Variants in CADM1 observed in about 807,000 individuals in gnomAD.
The protein encoded by CADM1 is cell adhesion molecule 1.
In CADM1, 15 loss-of-function variants were observed where a neutral mutation model predicts 53.1. The ratio of observed to expected loss-of-function variants is 0.28; its 90% CI spans 0.19 to 0.44. The LOEUF (loss-of-function observed/expected upper bound fraction) is 0.44, where lower values mean the gene tolerates loss of function less well. CADM1 is among the 20% of genes least tolerant of loss of function. The pLI is 1.00. For synonymous variants in CADM1, 281 were observed against 243.0 expected (o/e 1.16, Z -1.45); for missense variants, 434 against 611.3 (o/e 0.71, Z 3.06).
intron 8 of CADM1, among the ~76,000 whole-genome samples, chr11:115,206,758 C>CTTTTTTGTTTTTTTTTT (rs1940707526): frequency 2.6e-5 from 1 of 38,206 alleles, no homozygotes; most frequent in African/African-American, 9.7e-5. Context: ...CTGTGGACTT[C>CTTTTTTGTTTTTTTTTT]TTTTTTTTTT....
chr11:115,314,765 C>T (rs899678097), intron 1 of CADM1, among the ~76,000 whole-genome samples: 6 of 152,130 alleles, frequency 3.9e-5, no homozygotes, highest in South Asian at 2.1e-4. Flanking sequence ...ACCCACCAAG[C>T]GTTCATTCAC....
intron 1 of CADM1, among the ~76,000 whole-genome samples, chr11:115,478,096 A>G (rs576758258): frequency 4.5e-4 from 69 of 152,334 alleles, no homozygotes; most frequent in Admixed American, 2.0e-3. Flanking sequence ...TCCAGTTTTA[A>G]GAAATTTCAC....
chr11:115,191,132 G>A (rs1427872236), intron 9 of CADM1, 191 bp from the exon 10 acceptor site: 14 of 574,378 alleles, frequency 2.4e-5, no homozygotes, highest in East Asian at 1.5e-4. Flanking sequence ...ATACGCAATC[G>A]AGGCAGAAAG....
chr11:115,393,941 G>GA (rs201221855), intron 1 of CADM1, among the ~76,000 whole-genome samples: 5 of 150,684 alleles, frequency 3.3e-5, no homozygotes, highest in South Asian at 2.1e-4. Context: ...ATTTATTGAA[G>GA]AAAAAAAAAG....
At chr11:115,273,429 GA>G (rs1943359486) in intron 1 of CADM1, among the ~76,000 whole-genome samples, 1 of 151,954 alleles carries the variant, frequency 6.6e-6, no homozygotes, top group African/African-American at 2.4e-5. Flanking sequence ...CTAGAAATGA[GA>G]AACAAGAAGT....
chr11:115,389,984 G>T (rs944569040), intron 1 of CADM1, among the ~76,000 whole-genome samples: 6 of 152,114 alleles, frequency 3.9e-5, no homozygotes, highest in African/African-American at 1.4e-4. Context: ...CTAAAACAGA[G>T]AAGTCATAGT....
In CADM1 at chr11:115,169,750, G is replaced by A; in HGVS notation, c.*6724C>T. On this transcript the variant is annotated 3_prime_UTR_variant, in exon 12 of 12. Transcript: ENST00000331581. Reference sequence around the variant, plus strand: ...AATACTTTTTAATCAGGTCTGCTGTGTCTGGGCAAACAGCTTTTGTGGATT... The same window carrying A: ...AATACTTTTTAATCAGGTCTGCTGTATCTGGGCAAACAGCTTTTGTGGATT... 2.8e-6 allele frequency: 1 copy of A among 354,770 alleles called. No individual in the cohort carries two copies. The highest frequency in any genetic ancestry group is 5.7e-6 in the Non-Finnish European group (1 of 176,512). 22.0% of individuals were successfully genotyped at this position (354,770 alleles called of 1,614,324 possible).
At chr11:115,449,097 C>A (rs558757260) in intron 1 of CADM1, among the ~76,000 whole-genome samples, 4 of 152,238 alleles carry the variant, frequency 2.6e-5, no homozygotes, top group Non-Finnish European at 5.9e-5. Flanking sequence ...CAAGAGCTAA[C>A]CCCCATCTTA....
At chr11:115,302,254 C>A (rs1475471522) in intron 1 of CADM1, among the ~76,000 whole-genome samples, 1 of 152,046 alleles carries the variant, frequency 6.6e-6, no homozygotes, top group Non-Finnish European at 1.5e-5. Flanking sequence ...ACCCCCTTTA[C>A]ACAAGTCTTC....
intron 10 of CADM1, among the ~76,000 whole-genome samples, chr11:115,186,478 G>A (rs1939557713): frequency 6.6e-6 from 1 of 152,134 alleles, no homozygotes; most frequent in Non-Finnish European, 1.5e-5. Flanking sequence ...GATTACCAAA[G>A]GCTCCAGCAC....
At chr11:115,308,211 T>TATATATATATATAC (rs139012671) in intron 1 of CADM1, among the ~76,000 whole-genome samples, 9 of 139,416 alleles carry the variant, frequency 6.5e-5, no homozygotes, top group African/African-American at 2.2e-4. Flanking sequence ...TATATATATA[T>TATATATATATATAC]ACACACCTAT....
chr11:115,475,046 T>C (rs945920545), intron 1 of CADM1, among the ~76,000 whole-genome samples: 1 of 152,136 alleles, frequency 6.6e-6, no homozygotes, highest in African/African-American at 2.4e-5. Flanking sequence ...TAGTTGTCCC[T>C]CAGTATTCAT....
intron 7 of CADM1, 151 bp from the exon 8 acceptor site, chr11:115,209,808 T>C (rs1940869192): frequency 1.1e-6 from 1 of 914,278 alleles, no homozygotes; most frequent in Non-Finnish European, 1.7e-6. Context: ...GATTTATGTC[T>C]TGTAATTATA....
chr11:115,317,938 T>G (rs1290690290), intron 1 of CADM1, among the ~76,000 whole-genome samples: 2 of 151,782 alleles, frequency 1.3e-5, no homozygotes, highest in African/African-American at 4.8e-5. Context: ...TTCAAAATAT[T>G]GCATCAGAGG....
chr11:115,396,737 G>C (rs1253861690), intron 1 of CADM1: 5 of 152,200 alleles, frequency 3.3e-5, no homozygotes, highest in Non-Finnish European at 5.9e-5. Context: ...AAAGCCAAAG[G>C]AGATGATGGG....
chr11:115,239,989 G>A (rs1488423006), intron 2 of CADM1, among the ~76,000 whole-genome samples: 1 of 152,056 alleles, frequency 6.6e-6, no homozygotes, highest in African/African-American at 2.4e-5. Flanking sequence ...ACCCTGTTGA[G>A]TTGTTTGTGT....
At chr11:115,236,668 G>C (rs1288852689) in intron 3 of CADM1, among the ~76,000 whole-genome samples, 2 of 151,892 alleles carry the variant, frequency 1.3e-5, no homozygotes, top group African/African-American at 4.8e-5. Context: ...TCAGGCACCA[G>C]AAAATGACAG....
chr11:115,327,698 C>T (rs1281313261), intron 1 of CADM1, among the ~76,000 whole-genome samples: 1 of 152,186 alleles, frequency 6.6e-6, no homozygotes, highest in East Asian at 1.9e-4. Context: ...GTTCAAAATA[C>T]GGCACTATCT....
chr11:115,355,977 C>CA (rs1321499233), intron 1 of CADM1, among the ~76,000 whole-genome samples: 2 of 152,098 alleles, frequency 1.3e-5, no homozygotes, highest in African/African-American at 4.8e-5. Context: ...GGATTATAGG[C>CA]ATGTGCCACC....
Sources: allele counts gnomAD v4.1 joint callset (sites outside exome capture counted in the v4.1 genomes callset), GRCh38; gene constraint gnomAD v4.1.1; transcripts MANE v1.5; gene names NCBI Gene and HGNC (gene_info 2026-07-23, HGNC 2026-07-21).